Variants in PLA2G4F observed in about 807,000 individuals in gnomAD.
PLA2G4F encodes phospholipase A2 group IVF, also known as cytosolic phospholipase A2 zeta.
A neutral mutation model predicts 103.1 loss-of-function variants in PLA2G4F; 105 were observed. That is an observed-to-expected ratio of 1.02 (90% confidence interval 0.87 to 1.20). PLA2G4F has a LOEUF of 1.20. PLA2G4F is among the 50% of genes most tolerant of loss of function. The probability of loss-of-function intolerance (pLI) is 0.00; values close to 1 mark genes in which losing one functional copy is unlikely to be tolerated. For synonymous variants in PLA2G4F, 468 were observed against 441.1 expected (o/e 1.06, Z -0.76); for missense variants, 1,155 against 1,075.9 (o/e 1.07, Z -1.03).
chr15:42,141,756 C>T lies in PLA2G4F; in HGVS notation c.*228G>A, dbSNP rs961886054. On this transcript the variant is annotated 3_prime_UTR_variant, in exon 20 of 20. Coordinates refer to ENST00000397272, the MANE Select transcript of PLA2G4F (RefSeq NM_213600.4). Reference sequence around the variant, plus strand: ...CTTCTGCCCTACATCCCCAAGAGTCCCTGGAGCGATCTACTGCCCATCTTC... The same window carrying T: ...CTTCTGCCCTACATCCCCAAGAGTCTCTGGAGCGATCTACTGCCCATCTTC... 3.2e-6 allele frequency: 2 copies of T among 623,240 alleles called. No homozygotes were observed. Among genetic ancestry groups the T allele is most frequent in the Non-Finnish European group, 5.8e-6 (2 of 342,632 alleles). The allele number at this position is 623,240 out of a possible 1,614,324, so 38.6% of individuals were successfully genotyped here. A position where few individuals can be genotyped will look rare whatever the true frequency, so the allele number is the denominator to read the frequency against.
chr15:42,146,292 C>G, intron 13 of PLA2G4F, 51 bp from the exon 14 acceptor site: 1 of 1,561,388 alleles, frequency 6.4e-7, no homozygotes, highest in South Asian at 1.1e-5. Context: ...TTCCATTCCC[C>G]ATCCCCGTGG....
intron 18 of PLA2G4F, among the ~76,000 whole-genome samples, chr15:42,143,508 C>G (rs1452462251): frequency 1.3e-5 from 2 of 152,192 alleles, no homozygotes; most frequent in Non-Finnish European, 2.9e-5. Context: ...CACCAGCACC[C>G]ACATGGGAAT....
At chr15:42,142,747 C>T (rs1213109943) in intron 18 of PLA2G4F, 33 bp from the exon 19 acceptor site, 3 of 1,611,774 alleles carry the variant, frequency 1.9e-6, no homozygotes, top group Admixed American at 1.7e-5. Flanking sequence ...CTCTGCCTTT[C>T]CTCCACCCTG....
At chr15:42,147,087 G>A in intron 13 of PLA2G4F, 37 bp downstream of exon 13, 1 of 1,577,242 alleles carries the variant, frequency 6.3e-7, no homozygotes, top group East Asian at 2.2e-5. Context: ...AAGGAGTGGA[G>A]AGGAGCCTAC....
At chr15:42,143,722 G>A (rs2141125850) in intron 18 of PLA2G4F, among the ~76,000 whole-genome samples, 1 of 152,130 alleles carries the variant, frequency 6.6e-6, no homozygotes, top group East Asian at 1.9e-4. Flanking sequence ...AGATTCCTGG[G>A]GACCCTCTTT....
rs1488833700 is a variant in PLA2G4F at position 42,145,906 on chromosome 15, AG to A, written c.1535-4del. The A allele has an allele frequency of 3.1e-6, 5 of 1,613,616 alleles. No homozygotes were observed. Among genetic ancestry groups the A allele is most frequent in the Middle Eastern group, 3.3e-4 (2 of 6,060 alleles). Reference sequence around the variant, plus strand: ...ATAGGGCGTGAACTCGCACCACTCTAGGGGCCCGAGTGAAGGGAAAGTCACC... The same window carrying A: ...ATAGGGCGTGAACTCGCACCACTCTAGGGCCCGAGTGAAGGGAAAGTCACC... On this transcript the variant is annotated splice_polypyrimidine_tract_variant and splice_region_variant and intron_variant, in intron 14 of 19. Transcript: ENST00000397272.
At position 42,141,280 on chromosome 15, in the gene PLA2G4F, G is replaced by A. The variant is rs776410589; in HGVS notation, c.*704C>T. On this transcript the variant is annotated 3_prime_UTR_variant, in exon 20 of 20. Coordinates refer to ENST00000397272, the MANE Select transcript of PLA2G4F (RefSeq NM_213600.4). ...CCAGAGACTGTGGTCCAGGTTCGAA[G>A]AGTGAAGCCTGGGTAACTGGCAGGG... 2.2e-6 allele frequency: 1 copy of A among 456,764 alleles called. No homozygotes were observed. The highest frequency in any genetic ancestry group is 1.5e-5 in the South Asian group (1 of 64,572). 28.3% of individuals were successfully genotyped at this position (456,764 alleles called of 1,614,324 possible). A position where few individuals can be genotyped will look rare whatever the true frequency, so the allele number is the denominator to read the frequency against.
intron 11 of PLA2G4F, chr15:42,148,950 C>A (rs767664254): frequency 1.0e-6 from 1 of 985,272 alleles, no homozygotes; most frequent in Non-Finnish European, 1.2e-6. Context: ...AACGATCTAG[C>A]CTTGTCAGCG....
chr15:42,151,730 T>G (rs1323000677), intron 7 of PLA2G4F: 1 of 878,640 alleles, frequency 1.1e-6, no homozygotes, highest in Non-Finnish European at 1.4e-6. Context: ...GATGGAGACG[T>G]GCTATTCATA....
chr15:42,146,406 C>T (rs556990646), intron 13 of PLA2G4F, among the ~76,000 whole-genome samples, 165 bp from the exon 14 acceptor site: 4 of 152,306 alleles, frequency 2.6e-5, no homozygotes, highest in Admixed American at 2.6e-4. Context: ...GGCTTCAGGC[C>T]GCAGCCAAGG....
At position 42,144,559 on chromosome 15, in the gene PLA2G4F, C is replaced by G; in HGVS notation, c.1866G>C (p.Val622=). The G allele has an allele frequency of 1.2e-6, 2 of 1,613,210 alleles. No individual in the cohort carries two copies. Among genetic ancestry groups the G allele is most frequent in the Admixed American group, 1.7e-5 (1 of 60,018 alleles). ...LTPQGPFSQA[V]LDIFTSRFTS... is the part of the protein sequence containing the mutation. ...TGAAGCGGGAGGTGAATATGTCCAG[C>G]ACAGCCTGGGAGAAGGGCCCCTGTG... The change falls in exon 17 of 20, where the codon GTG becomes GTC. Residue 622 remains valine (V), a synonymous_variant. Transcript: ENST00000397272.
Position 42,153,619 on chromosome 15 carries a change from CCTCTT to C in PLA2G4F, c.487_491del (p.Lys163ProfsTer6). The C allele has an allele frequency of 1.9e-6, 3 of 1,614,208 alleles. No individual in the cohort carries two copies. The highest frequency in any genetic ancestry group is 2.5e-6 in the Non-Finnish European group (3 of 1,180,032). On this transcript the variant is annotated frameshift_variant and splice_region_variant, in exon 5 of 20. Coordinates refer to ENST00000397272, the MANE Select transcript of PLA2G4F (RefSeq NM_213600.4). LOFTEE classifies it high-confidence loss of function. ...AGGGCGTTGGCTCTACCAGAACTCACCTCTTCTCCAGAACAAATTCCACCTGCAGC... is the reference window on the plus strand; with the variant it reads ...AGGGCGTTGGCTCTACCAGAACTCACCTCCAGAACAAATTCCACCTGCAGC...
intron 2 of PLA2G4F, among the ~76,000 whole-genome samples, chr15:42,154,696 C>A (rs971312372): frequency 6.6e-6 from 1 of 152,160 alleles, no homozygotes; most frequent in African/African-American, 2.4e-5. Context: ...GATCCCATGG[C>A]AGCACAGACC....
chr15:42,147,097 C>T (rs2048896262), intron 13 of PLA2G4F, 27 bp downstream of exon 13: 6 of 1,591,092 alleles, frequency 3.8e-6, no homozygotes, highest in East Asian at 4.5e-5. Context: ...GAGGAGCCTA[C>T]GTATTTCCTT....
chr15:42,143,460 C>G (rs776781085), intron 18 of PLA2G4F, among the ~76,000 whole-genome samples: 20 of 152,138 alleles, frequency 1.3e-4, no homozygotes, highest in Non-Finnish European at 1.9e-4. Context: ...GGACCCAGGA[C>G]AAAGAGGAGA....
At chr15:42,147,542 C>T (rs1296883426) in intron 12 of PLA2G4F, 84 bp downstream of exon 12, 4 of 1,521,266 alleles carry the variant, frequency 2.6e-6, no homozygotes, top group Admixed American at 1.8e-5. Context: ...CCCAGCCCCT[C>T]AGGGACTCCT....
In PLA2G4F at chr15:42,155,599, C is replaced by T. The variant is rs2049007815; in HGVS notation, c.112-10G>A. 2 of 1,613,484 alleles carry T rather than the reference C, an allele frequency of 1.2e-6. No homozygotes were observed. Among genetic ancestry groups the T allele is most frequent in the Non-Finnish European group, 8.5e-7 (1 of 1,179,448 alleles). ...ATGGGTAGGTTTCCCGCTGCAATAA[C>T]AGAACTCCAGGGACTCAGTCAGCTA... On this transcript the variant is annotated splice_polypyrimidine_tract_variant and intron_variant, in intron 1 of 19. Coordinates refer to ENST00000397272, the MANE Select transcript of PLA2G4F (RefSeq NM_213600.4).
chr15:42,148,796 T>G (rs916030760), intron 11 of PLA2G4F: 1 of 985,322 alleles, frequency 1.0e-6, no homozygotes, highest in Admixed American at 6.1e-5. Flanking sequence ...TCTGGATTTT[T>G]GTTCTTTTCC....
chr15:42,142,116 G>A lies in PLA2G4F; in HGVS notation c.2418C>T (p.Thr806=), dbSNP rs376761982. 6.8e-6 allele frequency: 11 copies of A among 1,614,222 alleles called. No homozygotes were observed. The Middle Eastern group carries it at 8.2e-4, about 121-fold the overall frequency. ...PDTPYGMMNF[T]YEPQDFYRLV... ...GCCGATAAAAGTCCTGGGGCTCATA[G>A]GTGAAGTTCATCATGCCATAGGGGG... Residue 806 remains threonine (T), a synonymous_variant, in exon 20 of 20, where the codon ACC becomes ACT. Transcript: ENST00000397272.
Sources: allele counts gnomAD v4.1 joint callset (sites outside exome capture counted in the v4.1 genomes callset), GRCh38; gene constraint gnomAD v4.1.1; transcripts MANE v1.5; gene names NCBI Gene and HGNC (gene_info 2026-07-23, HGNC 2026-07-21).